The following BRINP3 variants were observed in gnomAD, a reference collection of about 807,000 sequenced individuals.
The protein encoded by BRINP3 is BMP/retinoic acid-inducible neural-specific protein 3.
Under a neutral mutation model 71.0 loss-of-function variants are expected in BRINP3, and 19 were observed. The observed-to-expected ratio is 0.27, with a 90% CI of 0.19 to 0.39. The LOEUF (loss-of-function observed/expected upper bound fraction) is 0.39. BRINP3 is among the 10% of genes least tolerant of loss of function. The probability of loss-of-function intolerance (pLI) is 1.00; values close to 1 mark genes in which losing one functional copy is unlikely to be tolerated. For missense variants in BRINP3, 959 were observed against 940.8 expected (o/e 1.02, Z -0.25); for synonymous variants, 380 against 337.7 (o/e 1.13, Z -1.37).
At chr1:190,121,085 T>G (rs1468917360) in intron 7 of BRINP3, among the ~76,000 whole-genome samples, 2 of 152,072 alleles carry the variant, frequency 1.3e-5, no homozygotes, top group East Asian at 1.9e-4. Context: ...AAATTATCTA[T>G]GAAATCATGA....
chr1:190,301,564 C>T (rs1475920128), intron 2 of BRINP3, among the ~76,000 whole-genome samples: 3 of 151,126 alleles, frequency 2.0e-5, no homozygotes, highest in African/African-American at 7.3e-5. Context: ...TATGTAATGT[C>T]CTGAAAATGT....
intron 6 of BRINP3, among the ~76,000 whole-genome samples, chr1:190,161,986 G>C (rs1205110740): frequency 6.6e-6 from 1 of 151,862 alleles, no homozygotes; most frequent in African/African-American, 2.4e-5. Flanking sequence ...ATGAACATTG[G>C]GTTTATTTTT....
At chr1:190,193,723 A>C (rs1244382069) in intron 6 of BRINP3, among the ~76,000 whole-genome samples, 1 of 152,044 alleles carries the variant, frequency 6.6e-6, no homozygotes, top group East Asian at 1.9e-4. Flanking sequence ...AAAACTTTCA[A>C]CTGTAAACTC....
chr1:190,163,079 C>G (rs556946816), intron 6 of BRINP3, among the ~76,000 whole-genome samples: 1 of 152,076 alleles, frequency 6.6e-6, no homozygotes, highest in African/African-American at 2.4e-5. Context: ...CGGAAATATT[C>G]CTGTGGATAT....
At chr1:190,383,391 G>T (rs1031313382) in intron 2 of BRINP3, among the ~76,000 whole-genome samples, 2 of 151,912 alleles carry the variant, frequency 1.3e-5, no homozygotes, top group South Asian at 4.1e-4. Context: ...CATTTCCCTC[G>T]TAAGAGAATG....
At chr1:190,170,546 C>G (rs1250392949) in intron 6 of BRINP3, among the ~76,000 whole-genome samples, 1 of 152,102 alleles carries the variant, frequency 6.6e-6, no homozygotes, top group South Asian at 2.1e-4. Flanking sequence ...TATCTTATGA[C>G]CACGAATGAC....
chr1:190,286,294 G>C lies in BRINP3; in HGVS notation c.237-4544C>G, dbSNP rs545422772. The stretch of plus-strand genomic sequence containing the variant: ...CCCTACTCAGCTCATAAAAAGGCTA[G>C]AAAATAAGAATGACATCATCAAATT... On this transcript the variant is annotated intron_variant, in intron 2 of 7. Coordinates refer to ENST00000367462, the MANE Select transcript of BRINP3 (RefSeq NM_199051.3). Among the ~76,000 whole-genome samples, 5 of 152,156 alleles carry C rather than the reference G, an allele frequency of 3.3e-5. No individual in the cohort carries two copies. In the South Asian group the frequency reaches 1.0e-3, roughly 32 times the overall value.
intron 2 of BRINP3, among the ~76,000 whole-genome samples, chr1:190,307,630 C>T (rs1405541085): frequency 6.6e-6 from 1 of 151,850 alleles, no homozygotes; most frequent in Non-Finnish European, 1.5e-5. Context: ...ATCATTCAGT[C>T]TTACTGCTTT....
intron 2 of BRINP3, among the ~76,000 whole-genome samples, chr1:190,291,813 G>T (rs1025227999): frequency 6.6e-6 from 1 of 152,048 alleles, no homozygotes; most frequent in Non-Finnish European, 1.5e-5. Context: ...GTATATATAC[G>T]TATTTATATG....
At chr1:190,278,576 C>T (rs527484528) in intron 3 of BRINP3, among the ~76,000 whole-genome samples, 48 of 151,692 alleles carry the variant, frequency 3.2e-4, no homozygotes, top group Non-Finnish European at 5.2e-4. Context: ...TGCATCTTAA[C>T]TGAATTATTA....
chr1:190,203,782 T>C (rs868099828), intron 6 of BRINP3, among the ~76,000 whole-genome samples: 6 of 98,674 alleles, frequency 6.1e-5, no homozygotes, highest in African/African-American at 2.4e-4. Flanking sequence ...TATATATATA[T>C]ATATATATAT....
At chr1:190,301,786 T>C (rs1454680363) in intron 2 of BRINP3, among the ~76,000 whole-genome samples, 1 of 151,938 alleles carries the variant, frequency 6.6e-6, no homozygotes, top group Non-Finnish European at 1.5e-5. Flanking sequence ...TGTTATTTGT[T>C]GAGAGAAAAA....
Position 190,200,967 on chromosome 1 carries a change from A to C in BRINP3, c.961+25115T>G, listed in dbSNP as rs182177574. ...CAGCAGCATGAAAACGGAGTAAAAC[A>C]GTAAATTGGTACCAGTAGAGTGGGG... On this transcript the variant is annotated intron_variant, in intron 6 of 7. Transcript: ENST00000367462. 7.9e-5 allele frequency among the ~76,000 whole-genome samples: 12 copies of C among 152,272 alleles called. No individual in the cohort carries two copies. The East Asian group carries it at 2.1e-3, about 27-fold the overall frequency.
intron 2 of BRINP3, among the ~76,000 whole-genome samples, chr1:190,389,789 T>G (rs75375594): frequency 0.015 from 2,270 of 151,944 alleles, 72 homozygotes; most frequent in African/African-American, 0.051. Context: ...ATGAAAATTC[T>G]TGCTAATCCT....
intron 2 of BRINP3, chr1:190,342,640 C>G (rs1252965320): frequency 6.6e-6 from 1 of 151,446 alleles, no homozygotes; most frequent in South Asian, 2.1e-4. Flanking sequence ...GGCAACTGGG[C>G]AGCATGTAGC....
At chr1:190,295,556 C>A (rs886785040) in intron 2 of BRINP3, among the ~76,000 whole-genome samples, 1 of 152,080 alleles carries the variant, frequency 6.6e-6, no homozygotes, top group African/African-American at 2.4e-5. Flanking sequence ...ACTGAGGGCC[C>A]GAGGCCACTG....
intron 5 of BRINP3, among the ~76,000 whole-genome samples, chr1:190,231,984 A>G (rs535230012): frequency 6.6e-6 from 1 of 151,946 alleles, no homozygotes; most frequent in Non-Finnish European, 1.5e-5. Context: ...TTATTAAAAA[A>G]CTGTGATAAT....
chr1:190,286,584 A>G (rs890168864), intron 2 of BRINP3, among the ~76,000 whole-genome samples: 1 of 152,246 alleles, frequency 6.6e-6, no homozygotes. Flanking sequence ...GAAAAGATTT[A>G]CCTTTAACTG....
At chr1:190,395,298 AT>A (rs1671498624) in intron 2 of BRINP3, among the ~76,000 whole-genome samples, 1 of 151,766 alleles carries the variant, frequency 6.6e-6, no homozygotes, top group Non-Finnish European at 1.5e-5. Context: ...AATGAAAAAC[AT>A]GTATTTTCAT....
Sources: allele counts gnomAD v4.1 joint callset (sites outside exome capture counted in the v4.1 genomes callset), GRCh38; gene constraint gnomAD v4.1.1; transcripts MANE v1.5; gene names NCBI Gene and HGNC (gene_info 2026-07-23, HGNC 2026-07-21).